Variants in CACNA1A observed in about 807,000 individuals in gnomAD.
CACNA1A encodes the protein calcium voltage-gated channel subunit alpha1 A, also known as voltage-dependent P/Q-type calcium channel subunit alpha-1A.
CACNA1A carries 57 observed loss-of-function variants against 262.4 expected under a neutral mutation model. The observed-to-expected ratio is 0.22, with a 90% confidence interval of 0.18 to 0.27. CACNA1A has a LOEUF of 0.27. Among genes scored for constraint, CACNA1A ranks in the 10% least tolerant of loss-of-function variants. CACNA1A has a pLI of 1.00. For missense variants in CACNA1A, 2,526 were observed against 3,562.8 expected, an observed-to-expected ratio of 0.71 and a Z score of 7.41; for synonymous variants, 1,431 against 1,419.3, an observed-to-expected ratio of 1.01 and a Z score of -0.18.
At chr19:13,378,471 T>C (rs760853140) in intron 3 of CACNA1A, among the ~76,000 whole-genome samples, 12 of 152,130 alleles carry the variant, frequency 7.9e-5, no homozygotes, top group Non-Finnish European at 1.2e-4. Flanking sequence ...GAAGAGTCGA[T>C]GGATGCGGAA....
intron 1 of CACNA1A, among the ~76,000 whole-genome samples, chr19:13,502,518 CT>C (rs1188823875): frequency 2.0e-4 from 30 of 152,214 alleles, no homozygotes; most frequent in Admixed American, 1.3e-3. Flanking sequence ...GCTGACAGAT[CT>C]GAGCTCTTCG....
chr19:13,474,986 C>A (rs1978352184), intron 1 of CACNA1A, among the ~76,000 whole-genome samples: 1 of 152,172 alleles, frequency 6.6e-6, no homozygotes, highest in African/African-American at 2.4e-5. Context: ...AGAAGTCAAA[C>A]ACTTCTCACA....
intron 20 of CACNA1A, 126 bp downstream of exon 20, chr19:13,286,377 C>T (rs748554291): frequency 1.8e-4 from 88 of 486,142 alleles, no homozygotes; most frequent in Non-Finnish European, 2.9e-4. Flanking sequence ...TACGCCTATG[C>T]CCATTTTCCA....
At chr19:13,432,891 G>A (rs1316487313) in intron 3 of CACNA1A, among the ~76,000 whole-genome samples, 4 of 152,030 alleles carry the variant, frequency 2.6e-5, no homozygotes. Context: ...GGGTGCAGTG[G>A]CTCATGTCTG....
At chr19:13,389,192 C>A (rs989195779) in intron 3 of CACNA1A, among the ~76,000 whole-genome samples, 1 of 152,174 alleles carries the variant, frequency 6.6e-6, no homozygotes, top group Admixed American at 6.5e-5. Context: ...CATGAGCCAC[C>A]GTGCCCGGCA....
rs199850826 is a variant in CACNA1A at position 13,299,148 on chromosome 19, C to T, written c.2485G>A (p.Glu829Lys). Residue 829 changes from glutamate to lysine, a missense_variant, in exon 19 of 47, where the codon GAG (glutamate) becomes AAG (lysine). By Grantham distance (56) the Glu-to-Lys change is moderately conservative. Transcript: ENST00000360228. Reference sequence around the variant, plus strand: ...TTGTTGGTGTTGTTGTTGCGGTTCTCCTGCGGGTCCACCACCAGCGGCCGG... The same window carrying T: ...TTGTTGGTGTTGTTGTTGCGGTTCTTCTGCGGGTCCACCACCAGCGGCCGG... ...LDRPLVVDPQ[E>K]NRNNNTNKSR... The T allele has an allele frequency of 5.6e-6, 9 of 1,613,306 alleles. No individual in the cohort carries two copies. Among genetic ancestry groups the T allele is most frequent in the Admixed American group, 1.7e-5 (1 of 60,012 alleles).
At chr19:13,467,773 T>G (rs1401275638) in intron 1 of CACNA1A, among the ~76,000 whole-genome samples, 2 of 151,890 alleles carry the variant, frequency 1.3e-5, no homozygotes, top group Non-Finnish European at 2.9e-5. Context: ...CCCAGCTAAT[T>G]TTTTTATTTT....
chr19:13,373,533 G>A (rs1324591027), intron 3 of CACNA1A, among the ~76,000 whole-genome samples: 1 of 152,194 alleles, frequency 6.6e-6, no homozygotes, highest in Non-Finnish European at 1.5e-5. Flanking sequence ...CTTAAGAGGT[G>A]AGTTCCACGT....
chr19:13,227,545 G>T lies in CACNA1A; in HGVS notation c.5529-18C>A. The T allele has an allele frequency of 6.7e-7, 1 of 1,482,514 alleles. No individual in the cohort carries two copies. The highest frequency in any genetic ancestry group is 9.1e-7 in the Non-Finnish European group (1 of 1,093,580). The allele number at this position is 1,482,514 out of a possible 1,614,324, so 91.8% of individuals were successfully genotyped here. A position where few individuals can be genotyped will look rare whatever the true frequency, so the allele number is the denominator to read the frequency against. ...TGCGGCCCCTGGCAGCACCGAAAAT[G>T]AAAAAAACAAAAACAAAAACAAAAA... On this transcript the variant is annotated intron_variant, in intron 36 of 46. Transcript: ENST00000360228.
intron 1 of CACNA1A, among the ~76,000 whole-genome samples, chr19:13,496,190 A>G (rs1981516781): frequency 6.6e-6 from 1 of 152,246 alleles, no homozygotes; most frequent in Non-Finnish European, 1.5e-5. Flanking sequence ...TTGTGATCAG[A>G]AACAGGCCAC....
At chr19:13,229,867 A>G (rs1357386892) in intron 36 of CACNA1A, 6 of 451,238 alleles carry the variant, frequency 1.3e-5, no homozygotes, top group Non-Finnish European at 2.3e-5. Context: ...ATTTCCCAGA[A>G]AGTCCAGGGT....
chr19:13,290,712 CCT>C (rs2057514862), intron 19 of CACNA1A, among the ~76,000 whole-genome samples: 3 of 151,890 alleles, frequency 2.0e-5, no homozygotes, highest in Admixed American at 2.0e-4. Context: ...CACGCCTGGC[CCT>C]GTGTATGTAT....
At chr19:13,229,041 A>T in intron 36 of CACNA1A, 9 of 250,420 alleles carry the variant, frequency 3.6e-5, no homozygotes, top group East Asian at 1.2e-4. Context: ...CCTCCTCCAC[A>T]GTCTACATGG....
intron 1 of CACNA1A, among the ~76,000 whole-genome samples, chr19:13,463,307 A>C (rs1022252239): frequency 6.6e-6 from 1 of 152,118 alleles, no homozygotes; most frequent in Non-Finnish European, 1.5e-5. Flanking sequence ...CTCAAGTAGG[A>C]ATTATTCATG....
At chr19:13,213,311 C>T (rs557753622) in intron 40 of CACNA1A, among the ~76,000 whole-genome samples, 4 of 152,206 alleles carry the variant, frequency 2.6e-5, no homozygotes, top group African/African-American at 7.2e-5. Flanking sequence ...TAGCTCACTC[C>T]CTCTCCCCTT....
intron 11 of CACNA1A, among the ~76,000 whole-genome samples, chr19:13,314,787 T>C (rs1031452947): frequency 3.9e-5 from 6 of 152,184 alleles, no homozygotes; most frequent in Non-Finnish European, 5.9e-5. Context: ...ACCGTCAAAG[T>C]CCTTCACAGT....
chr19:13,464,422 T>G (rs1298059140), intron 1 of CACNA1A, among the ~76,000 whole-genome samples: 2 of 152,014 alleles, frequency 1.3e-5, no homozygotes, highest in East Asian at 3.8e-4. Context: ...ATACATACAT[T>G]TTTTTAAAAA....
At chr19:13,356,499 A>G (rs995094736) in intron 6 of CACNA1A, among the ~76,000 whole-genome samples, 1 of 152,204 alleles carries the variant, frequency 6.6e-6, no homozygotes, top group Non-Finnish European at 1.5e-5. Context: ...CTCTAAGCTT[A>G]GAGGCTTCCA....
rs1983051361 is a variant in CACNA1A at position 13,506,397 on chromosome 19, C to T, written c.-173G>A. ...CCCATCGGGCGGCGGCGGCTCGGCG[C>T]CTCGGGTCGGGGGCTCAGAAGGCGG... On this transcript the variant is annotated 5_prime_UTR_variant, in exon 1 of 47. Coordinates refer to ENST00000360228, the MANE Select transcript of CACNA1A (RefSeq NM_001127222.2). 2.1e-6 allele frequency: 1 copy of T among 470,638 alleles called. No homozygotes were observed. The highest frequency in any genetic ancestry group is 3.4e-6 in the Non-Finnish European group (1 of 292,948). 29.2% of individuals were successfully genotyped at this position (470,638 alleles called of 1,614,324 possible).
Sources: allele counts gnomAD v4.1 joint callset (sites outside exome capture counted in the v4.1 genomes callset), GRCh38; gene constraint gnomAD v4.1.1; transcripts MANE v1.5; gene names NCBI Gene and HGNC (gene_info 2026-07-23, HGNC 2026-07-21).